Variants in CNTLN observed in about 807,000 individuals in gnomAD.
CNTLN encodes centlein, also known as centlein, centrosomal protein.
A neutral mutation model predicts 180.0 loss-of-function variants in CNTLN; 212 were observed. The ratio of observed to expected loss-of-function variants is 1.18; its 90% CI spans 1.05 to 1.32. The LOEUF is 1.32. Ranked by LOEUF, CNTLN falls within the 40% of genes most tolerant of loss-of-function variation. CNTLN has a pLI of 0.00. For synonymous variants in CNTLN, 722 were observed against 563.1 expected, an observed-to-expected ratio of 1.28 and a Z score of -3.99; for missense variants, 2,095 against 1,610.9, an observed-to-expected ratio of 1.30 and a Z score of -5.14.
chr9:17,365,942 T>C (rs936213748), intron 12 of CNTLN, among the ~76,000 whole-genome samples: 11 of 152,158 alleles, frequency 7.2e-5, no homozygotes, highest in African/African-American at 2.4e-4. Context: ...TGAGACTTTG[T>C]CTAAAAACAA....
At chr9:17,207,338 A>G (rs1310886333) in intron 2 of CNTLN, among the ~76,000 whole-genome samples, 3 of 152,182 alleles carry the variant, frequency 2.0e-5, no homozygotes, top group South Asian at 2.1e-4. Flanking sequence ...TTTCCCACAC[A>G]GAACACCCCT....
chr9:17,522,044 T>C, the CNTLN span, among the ~76,000 whole-genome samples: 1 of 152,064 alleles, frequency 6.6e-6, no homozygotes, highest in Non-Finnish European at 1.5e-5. Context: ...CTGTTTACAA[T>C]GAGATACCCC....
intron 2 of CNTLN, among the ~76,000 whole-genome samples, chr9:17,176,699 A>G (rs1356102474): frequency 1.3e-5 from 2 of 152,164 alleles, no homozygotes; most frequent in African/African-American, 2.4e-5. Flanking sequence ...TCTTTAGTAA[A>G]TTATCTGAAC....
chr9:17,308,428 GTC>G (rs1818887362), intron 7 of CNTLN, among the ~76,000 whole-genome samples: 1 of 151,968 alleles, frequency 6.6e-6, no homozygotes, highest in Non-Finnish European at 1.5e-5. Flanking sequence ...GCTTGACTTT[GTC>G]TCTTACTATT....
intron 5 of CNTLN, among the ~76,000 whole-genome samples, chr9:17,257,637 T>C (rs1457826030): frequency 3.3e-5 from 5 of 151,478 alleles, no homozygotes; most frequent in Admixed American, 6.6e-5. Flanking sequence ...CTCCAGCACC[T>C]GTTGTTTCCT....
chr9:17,473,606 AC>A (rs371381878), intron 23 of CNTLN, among the ~76,000 whole-genome samples: 1,970 of 130,826 alleles, frequency 0.015, 60 homozygotes, highest in African/African-American at 0.064. Flanking sequence ...AAAAAAAAAA[AC>A]AAAACAAAAA....
At position 17,160,648 on chromosome 9, in the gene CNTLN, G is replaced by A. The variant is rs565448574; in HGVS notation, c.449+17272G>A. Among the ~76,000 whole-genome samples, 131 of 152,196 alleles carry A rather than the reference G, an allele frequency of 8.6e-4. 1 individual carries two copies. Among genetic ancestry groups the A allele is most frequent in the Admixed American group, 2.2e-3 (33 of 15,282 alleles). ...GATTTCTTTTCCAAATATCAGTTCT[G>A]TTTTACATCTTTACTTTGAGACAAA... On this transcript the variant is annotated intron_variant, in intron 2 of 25. Transcript: ENST00000380647.
intron 18 of CNTLN, among the ~76,000 whole-genome samples, chr9:17,443,679 T>C (rs1830238935): frequency 6.6e-6 from 1 of 152,040 alleles, no homozygotes. Context: ...GTATTTTTCT[T>C]TATATACCTA....
rs113354485 is a variant in CNTLN, at chr9:17,169,724, T to G, written c.449+26348T>G. Among the ~76,000 whole-genome samples the G allele has an allele frequency of 1.5e-3, 235 of 152,332 alleles. 2 individuals are homozygous for G. Among genetic ancestry groups the G allele is most frequent in the African/African-American group, 5.5e-3 (227 of 41,596 alleles). ...TAGTTGACCATTTGTGTATGGATTT[T>G]TTTCAGATTCTCTATTCTGTTCAAT... On this transcript the variant is annotated intron_variant, in intron 2 of 25. Coordinates refer to ENST00000380647, the MANE Select transcript of CNTLN (RefSeq NM_017738.4).
intron 2 of CNTLN, among the ~76,000 whole-genome samples, chr9:17,149,739 G>T (rs910103656): frequency 5.3e-5 from 8 of 151,960 alleles, no homozygotes; most frequent in African/African-American, 1.7e-4. Flanking sequence ...GGATGGTCTC[G>T]ATCTCCTGAT....
chr9:17,151,760 G>A (rs990073293), intron 2 of CNTLN, among the ~76,000 whole-genome samples: 15 of 151,994 alleles, frequency 9.9e-5, no homozygotes, highest in Non-Finnish European at 1.6e-4. Flanking sequence ...TGTACCTCTG[G>A]TAGAATTCGG....
the CNTLN span, among the ~76,000 whole-genome samples, chr9:17,512,634 C>G: frequency 6.6e-6 from 1 of 151,816 alleles, no homozygotes; most frequent in Admixed American, 6.6e-5. Context: ...AGGTACCCCC[C>G]AAATCTATAA....
intron 5 of CNTLN, among the ~76,000 whole-genome samples, chr9:17,250,526 C>T (rs1366265904): frequency 1.3e-5 from 2 of 151,804 alleles, no homozygotes; most frequent in Non-Finnish European, 2.9e-5. Flanking sequence ...TTTCTTTGTG[C>T]TTACCATGTA....
At chr9:17,276,882 T>C (rs1444550594) in intron 6 of CNTLN, among the ~76,000 whole-genome samples, 2 of 152,142 alleles carry the variant, frequency 1.3e-5, no homozygotes, top group Non-Finnish European at 2.9e-5. Flanking sequence ...AATTACTGTT[T>C]TTGATCTATT....
chr9:17,188,478 C>T (rs1024028774), intron 2 of CNTLN, among the ~76,000 whole-genome samples: 2 of 151,964 alleles, frequency 1.3e-5, no homozygotes, highest in African/African-American at 2.4e-5. Context: ...CTTATTTTAC[C>T]GATAAGAATT....
intron 3 of CNTLN, among the ~76,000 whole-genome samples, chr9:17,229,902 A>G (rs886886518): frequency 2.0e-4 from 31 of 152,190 alleles, no homozygotes; most frequent in African/African-American, 7.2e-4. Flanking sequence ...CGTGCCTTTT[A>G]TTTGAATTTT....
chr9:17,504,463 TG>T (rs1440516377), downstream of CNTLN, among the ~76,000 whole-genome samples: 1 of 152,144 alleles, frequency 6.6e-6, no homozygotes, highest in Admixed American at 6.5e-5. Context: ...AAAGAAAATA[TG>T]GTAGACTGAG....
In CNTLN at chr9:17,366,694, G is replaced by C. The variant is rs1564033790; in HGVS notation, c.1964G>C (p.Arg655Thr). 1 of 1,578,758 alleles carries C rather than the reference G, an allele frequency of 6.3e-7. No individual in the cohort carries two copies. Among genetic ancestry groups the C allele is most frequent in the Non-Finnish European group, 8.6e-7 (1 of 1,156,816 alleles). The stretch of plus-strand genomic sequence containing the variant: ...AAGGCAGCAATACAAGAATTGAATA[G>C]ATGTGTGGCAGAGAGAAGAGAAGGT... The part of the protein sequence containing the change: ...IDKAAIQELN[R>T]CVAERREEQL... Residue 655 changes from arginine to threonine, a missense_variant, in exon 13 of 26, where the codon AGA becomes ACA. Transcript: ENST00000380647.
intron 2 of CNTLN, among the ~76,000 whole-genome samples, chr9:17,149,869 C>T (rs919470626): frequency 3.9e-5 from 6 of 152,208 alleles, no homozygotes; most frequent in Admixed American, 2.0e-4. Flanking sequence ...GATGGTATCT[C>T]GTTGTGGTTT....
Sources: gnomAD v4.1 joint callset for allele counts (sites outside exome capture counted in the v4.1 genomes callset) on GRCh38, gnomAD v4.1.1 for gene constraint, MANE v1.5 for transcripts, NCBI Gene and HGNC (gene_info 2026-07-23, HGNC 2026-07-21) for gene names.